GANAB: variants seen among roughly 807,000 people sequenced by gnomAD.
GANAB encodes the protein neutral alpha-glucosidase AB.
In GANAB, 35 loss-of-function variants were observed where a neutral mutation model predicts 129.9. That is an observed-to-expected ratio of 0.27 (90% CI 0.21 to 0.36). GANAB has a LOEUF of 0.36. GANAB is among the 10% of genes least tolerant of loss of function. The pLI is 1.00. For synonymous variants in GANAB, 482 were observed against 451.8 expected, an observed-to-expected ratio of 1.07 and a Z score of -0.85; for missense variants, 939 against 1,221.0, an observed-to-expected ratio of 0.77 and a Z score of 3.44.
chr11:62,633,367 T>C, intron 6 of GANAB, 78 bp downstream of exon 6: 1 of 1,556,790 alleles, frequency 6.4e-7, no homozygotes, highest in Non-Finnish European at 8.9e-7. Context: ...GGAGACTAAG[T>C]TCAAGTTTCT....
intron 1 of GANAB, among the ~76,000 whole-genome samples, chr11:62,643,621 C>T (rs1177220047): frequency 4.0e-5 from 6 of 151,888 alleles, no homozygotes; most frequent in Admixed American, 3.3e-4. Flanking sequence ...CCAGCCTGGG[C>T]GACACAGCGA....
Position 62,633,269 on chromosome 11 carries a change from T to C in GANAB, c.633A>G (p.Pro211=), listed in dbSNP as rs771373765. The stretch of plus-strand genomic sequence containing the variant: ...TCTCTGCCTTCCCCTGAGTCTCCTC[T>C]GGCTGTTAAGAAGAAAAGAGGACCA... ...PEETPRDGDK[P]EETQGKAEKD... is the part of the protein sequence containing the mutation. The change falls in exon 7 of 24, where the codon CCA becomes CCG. Residue 211 remains proline, a splice_region_variant and synonymous_variant. Coordinates refer to ENST00000356638, the MANE Select transcript of GANAB (RefSeq NM_198334.3). The C allele has an allele frequency of 1.2e-6, 2 of 1,612,962 alleles. No individual in the cohort carries two copies. The highest frequency in any genetic ancestry group is 1.7e-6 in the Non-Finnish European group (2 of 1,178,930).
Position 62,634,247 on chromosome 11 carries a change from G to A in GANAB, c.560+574C>T, listed in dbSNP as rs190478080. On this transcript the variant is annotated intron_variant, in intron 5 of 23. Coordinates refer to ENST00000356638, the MANE Select transcript of GANAB (RefSeq NM_198334.3). ...AGGGTCTGGGGCACCTCCCCCCAAA[G>A]GCTAGAGTGAGGAATGGGTAAGGGC... 5,743 of 1,136,488 alleles carry A rather than the reference G, an allele frequency of 5.1e-3. 11 individuals carry two copies. The highest frequency in any genetic ancestry group is 6.8e-3 in the Non-Finnish European group (5,038 of 744,462). 70.4% of individuals were successfully genotyped at this position (1,136,488 alleles called of 1,614,324 possible). A position where few individuals can be genotyped will look rare whatever the true frequency, so the allele number is the denominator to read the frequency against.
Position 62,634,947 on chromosome 11 carries a change from C to A in GANAB, c.434G>T (p.Gly145Val), listed in dbSNP as rs759793444. 6.2e-7 allele frequency: 1 copy of A among 1,613,756 alleles called. No individual in the cohort carries two copies. Among genetic ancestry groups the A allele is most frequent in the Non-Finnish European group, 8.5e-7 (1 of 1,179,670 alleles). The change falls in exon 5 of 24, where the codon GGA becomes GTA. Residue 145 changes from glycine to valine, a missense_variant. Around this residue, in one of 5 missense-constraint regions of GANAB, gnomAD observed 321 missense variants for 329.1 expected, o/e 0.98. Coordinates refer to ENST00000356638, the MANE Select transcript of GANAB (RefSeq NM_198334.3). ...ENSVELTMAE[G>V]PYKIILTARP... is the part of the protein sequence containing the mutation. ...TGCTGTCAAGATGATCTTGTAGGGT[C>A]CCTCAGCCATGGTTAACTCCACACT... is the stretch of plus-strand genomic sequence containing the variant.
In GANAB at chr11:62,626,466, A is replaced by G; in HGVS notation, c.2512-19T>C. 1.3e-6 allele frequency: 2 copies of G among 1,569,140 alleles called. No individual in the cohort carries two copies. Among genetic ancestry groups the G allele is most frequent in the Non-Finnish European group, 1.8e-6 (2 of 1,138,940 alleles). On this transcript the variant is annotated intron_variant, in intron 21 of 23. Transcript: ENST00000356638. ...CTGTACCCTGAGCAAGAAGTGGGAT[A>G]GGTGAGCGCCTGAGCCCAAGAGGGA... is the stretch of plus-strand genomic sequence containing the variant.
chr11:62,625,055 CA>C lies in GANAB; in HGVS notation c.*759del. 2 of 354,520 alleles carry C rather than the reference CA, an allele frequency of 5.6e-6. No individual in the cohort carries two copies. Among genetic ancestry groups the C allele is most frequent in the South Asian group, 4.2e-5 (2 of 47,576 alleles). 22.0% of individuals were successfully genotyped at this position (354,520 alleles called of 1,614,324 possible). A position where few individuals can be genotyped will look rare whatever the true frequency, so the allele number is the denominator to read the frequency against. On this transcript the variant is annotated 3_prime_UTR_variant, in exon 24 of 24. Transcript: ENST00000356638. Reference sequence around the variant, plus strand: ...AGGTGACCATGATTCACTGAAACCACAACTGATTTCTCCATCTTAAGTGCCC... The same window carrying C: ...AGGTGACCATGATTCACTGAAACCACACTGATTTCTCCATCTTAAGTGCCC...
intron 4 of GANAB, 96 bp from the exon 5 acceptor site, chr11:62,635,096 A>G (rs959832096): frequency 1.6e-5 from 14 of 849,944 alleles, no homozygotes; most frequent in South Asian, 1.6e-4. Context: ...TGTTAAGAGA[A>G]ATAGGCAGTG....
intron 1 of GANAB, among the ~76,000 whole-genome samples, chr11:62,640,251 A>AAAAAAAAAAAAAAAAC (rs1944175948): frequency 8.2e-6 from 1 of 121,422 alleles, no homozygotes. Context: ...AAAAAAAAAA[A>AAAAAAAAAAAAAAAAC]AGCCAGGCGC....
intron 1 of GANAB, among the ~76,000 whole-genome samples, chr11:62,643,732 T>A (rs1252342693): frequency 2.6e-5 from 4 of 151,950 alleles, no homozygotes; most frequent in Non-Finnish European, 4.4e-5. Context: ...ACGAGAATGG[T>A]TTGAGCCTGG....
At chr11:62,630,101 C>G (rs970603656) in intron 13 of GANAB, 96 bp downstream of exon 13, 3 of 1,295,616 alleles carry the variant, frequency 2.3e-6, no homozygotes, top group Non-Finnish European at 3.3e-6. Flanking sequence ...TGATATGTTG[C>G]AGGCAATCAA....
At chr11:62,626,272 G>T in intron 22 of GANAB, 63 bp downstream of exon 22, 1 of 1,334,450 alleles carries the variant, frequency 7.5e-7, no homozygotes. Flanking sequence ...ACAGTGAACT[G>T]GGAGCCCCCA....
rs534297063 is a variant in GANAB, at chr11:62,638,431, C to A, written c.380+552G>T. On this transcript the variant is annotated intron_variant, in intron 4 of 23. Transcript: ENST00000356638. The stretch of plus-strand genomic sequence containing the variant: ...CCTCCCAAAGTGCTGGGATTACAGG[C>A]GTTGAGCCACCATGCCCGGCCACTA... 1.4e-4 allele frequency among the ~76,000 whole-genome samples: 22 copies of A among 152,154 alleles called. No individual in the cohort carries two copies. The South Asian group carries it at 4.1e-3, about 29-fold the overall frequency.
At chr11:62,633,535 C>G in intron 5 of GANAB, 21 bp from the exon 6 acceptor site, 1 of 1,610,866 alleles carries the variant, frequency 6.2e-7, no homozygotes, top group Admixed American at 1.7e-5. Flanking sequence ...GGAGAGCTGT[C>G]TGCTCCAATC....
intron 1 of GANAB, among the ~76,000 whole-genome samples, chr11:62,642,437 CTTTT>C (rs769063549): frequency 4.3e-5 from 6 of 140,796 alleles, no homozygotes; most frequent in Admixed American, 7.2e-5. Context: ...GGGCATCAGA[CTTTT>C]TTTTTTTTTT....
chr11:62,626,715 G>T, intron 20 of GANAB, 31 bp from the exon 21 acceptor site: 1 of 1,483,526 alleles, frequency 6.7e-7, no homozygotes, highest in Non-Finnish European at 9.3e-7. Context: ...GGATGAAGTT[G>T]CCCCCTTGTC....
chr11:62,629,342 A>C (rs576125956), intron 15 of GANAB, 47 bp from the exon 16 acceptor site: 1 of 1,321,384 alleles, frequency 7.6e-7, no homozygotes, highest in Admixed American at 1.7e-5. Context: ...AAAGGAGTTC[A>C]GCTTTTTACA....
chr11:62,640,929 AG>A (rs142631389), intron 1 of GANAB, among the ~76,000 whole-genome samples: 15,995 of 151,912 alleles, frequency 0.11, 1,111 homozygotes, highest in East Asian at 0.26. Context: ...CTCAGAGGAA[AG>A]GAGCAGTAAC....
At chr11:62,636,882 G>A (rs982727588) in intron 4 of GANAB, among the ~76,000 whole-genome samples, 19 of 152,124 alleles carry the variant, frequency 1.2e-4, no homozygotes, top group East Asian at 3.9e-4. Context: ...AGCCAAGATC[G>A]CACTACTGCA....
intron 1 of GANAB, among the ~76,000 whole-genome samples, chr11:62,643,175 G>A (rs1944339608): frequency 6.6e-6 from 1 of 152,196 alleles, no homozygotes; most frequent in African/African-American, 2.4e-5. Flanking sequence ...TTAGGATTCT[G>A]AATAAATCCT....
Sources: allele counts gnomAD v4.1 joint callset (sites outside exome capture counted in the v4.1 genomes callset), GRCh38; gene constraint gnomAD v4.1.1; regional missense constraint gnomAD v4.1.1; transcripts MANE v1.5; gene names NCBI Gene and HGNC (gene_info 2026-07-23, HGNC 2026-07-21).